Variants in KCNH8 observed in about 807,000 individuals in gnomAD.
The protein encoded by KCNH8 is potassium voltage-gated channel subfamily H member 8, also known as voltage-gated delayed rectifier potassium channel KCNH8.
A neutral mutation model predicts 103.6 loss-of-function variants in KCNH8; 70 were observed. The ratio of observed to expected loss-of-function variants is 0.68; its 90% CI spans 0.56 to 0.82. The LOEUF (loss-of-function observed/expected upper bound fraction) is 0.82. Among genes scored for constraint, KCNH8 ranks in the 40% least tolerant of loss-of-function variants. The probability of loss-of-function intolerance (pLI) is 0.00; values close to 1 mark genes in which losing one functional copy is unlikely to be tolerated. For missense variants in KCNH8, 1,217 were observed against 1,329.9 expected, an observed-to-expected ratio of 0.92 and a Z score of 1.32; for synonymous variants, 498 against 489.4, an observed-to-expected ratio of 1.02 and a Z score of -0.23.
At chr3:19,400,402 T>C (rs548646937) in intron 7 of KCNH8, among the ~76,000 whole-genome samples, 1 of 151,972 alleles carries the variant, frequency 6.6e-6, no homozygotes, top group Non-Finnish European at 1.5e-5. Flanking sequence ...CTATAATAGA[T>C]TGTGTCTTGG....
At chr3:19,172,299 A>G (rs532223392) in intron 1 of KCNH8, among the ~76,000 whole-genome samples, 1 of 152,192 alleles carries the variant, frequency 6.6e-6, no homozygotes, top group Non-Finnish European at 1.5e-5. Flanking sequence ...ATTTTTACTT[A>G]TATACTTCTC....
chr3:19,176,995 A>G (rs1438837763), intron 1 of KCNH8, among the ~76,000 whole-genome samples: 1 of 152,154 alleles, frequency 6.6e-6, no homozygotes, highest in Non-Finnish European at 1.5e-5. Context: ...AACCAATAGC[A>G]CTATAACTCA....
intron 5 of KCNH8, among the ~76,000 whole-genome samples, chr3:19,390,108 C>A (rs1193544641): frequency 6.6e-6 from 1 of 152,036 alleles, no homozygotes; most frequent in Admixed American, 6.6e-5. Flanking sequence ...ATATTGGGTA[C>A]ATAGTGAACA....
chr3:19,373,409 G>T (rs1182528533), intron 5 of KCNH8, among the ~76,000 whole-genome samples: 2 of 152,110 alleles, frequency 1.3e-5, no homozygotes, highest in Non-Finnish European at 2.9e-5. Flanking sequence ...AGAGGTGTTT[G>T]TAGTATTCTC....
intron 5 of KCNH8, among the ~76,000 whole-genome samples, chr3:19,351,394 C>T (rs1432352979): frequency 2.0e-5 from 3 of 151,832 alleles, no homozygotes; most frequent in Non-Finnish European, 4.4e-5. Flanking sequence ...ATGCCACAGA[C>T]GTACACCTCA....
chr3:19,520,587 T>C (rs1254185002), intron 15 of KCNH8, among the ~76,000 whole-genome samples: 2 of 152,018 alleles, frequency 1.3e-5, no homozygotes, highest in African/African-American at 4.8e-5. Context: ...CCAAGCCTAA[T>C]TTTACCATTT....
intron 7 of KCNH8, among the ~76,000 whole-genome samples, chr3:19,399,661 G>A (rs2066580178): frequency 6.6e-6 from 1 of 151,878 alleles, no homozygotes; most frequent in African/African-American, 2.4e-5. Flanking sequence ...TGTGCTTGCA[G>A]TTGGTAACTG....
At chr3:19,353,459 A>G (rs1443460050) in intron 5 of KCNH8, among the ~76,000 whole-genome samples, 2 of 152,198 alleles carry the variant, frequency 1.3e-5, no homozygotes, top group Non-Finnish European at 2.9e-5. Flanking sequence ...AATATCCCTG[A>G]TGCACATCAA....
intron 1 of KCNH8, among the ~76,000 whole-genome samples, chr3:19,153,695 C>T (rs1206870241): frequency 2.1e-5 from 3 of 142,268 alleles, no homozygotes; most frequent in Non-Finnish European, 3.0e-5. Context: ...TGCAGTGGTG[C>T]GATCTTGGCT....
At chr3:19,223,111 A>G (rs1327795563) in intron 1 of KCNH8, among the ~76,000 whole-genome samples, 2 of 152,216 alleles carry the variant, frequency 1.3e-5, no homozygotes, top group African/African-American at 2.4e-5. Flanking sequence ...AATTGAAGAT[A>G]TCACTGAAAC....
At chr3:19,414,233 T>G (rs1404697243) in intron 7 of KCNH8, among the ~76,000 whole-genome samples, 1 of 152,220 alleles carries the variant, frequency 6.6e-6, no homozygotes, top group East Asian at 1.9e-4. Flanking sequence ...ACAAAATTTC[T>G]CAACTAGAGT....
intron 3 of KCNH8, among the ~76,000 whole-genome samples, chr3:19,286,842 C>T (rs940514667): frequency 3.3e-5 from 5 of 152,112 alleles, no homozygotes; most frequent in African/African-American, 7.2e-5. Flanking sequence ...TGGTTGAATC[C>T]GTGGATGTGG....
intron 6 of KCNH8, among the ~76,000 whole-genome samples, chr3:19,393,564 T>C (rs988942497): frequency 1.3e-5 from 2 of 152,046 alleles, no homozygotes; most frequent in Non-Finnish European, 2.9e-5. Context: ...ACTTACAAAA[T>C]TGTCACCTAA....
intron 1 of KCNH8, among the ~76,000 whole-genome samples, chr3:19,218,679 A>G (rs2063840848): frequency 6.6e-6 from 1 of 152,178 alleles, no homozygotes; most frequent in African/African-American, 2.4e-5. Flanking sequence ...TTAAACAACA[A>G]AAAGTTGTCT....
At chr3:19,157,439 T>G (rs1430853539) in intron 1 of KCNH8, among the ~76,000 whole-genome samples, 3 of 152,268 alleles carry the variant, frequency 2.0e-5, no homozygotes, top group African/African-American at 7.2e-5. Context: ...AATGAGCCTG[T>G]CCTTCTCTCT....
At chr3:19,400,064 G>T (rs2066587588) in intron 7 of KCNH8, among the ~76,000 whole-genome samples, 1 of 151,580 alleles carries the variant, frequency 6.6e-6, no homozygotes, top group Admixed American at 6.6e-5. Context: ...CCTGAGGGAA[G>T]AATTCAATTG....
intron 15 of KCNH8, among the ~76,000 whole-genome samples, chr3:19,530,404 T>G (rs983604447): frequency 6.6e-6 from 1 of 152,156 alleles, no homozygotes; most frequent in African/African-American, 2.4e-5. Context: ...AAATATCACA[T>G]GCATCCTATA....
intron 8 of KCNH8, among the ~76,000 whole-genome samples, chr3:19,449,834 G>A (rs1210780115): frequency 4.6e-5 from 7 of 151,938 alleles, no homozygotes; most frequent in Non-Finnish European, 7.4e-5. Context: ...CAGGTTAAAC[G>A]TAAATCAAAG....
At chr3:19,242,102 G>C (rs181870140) in intron 1 of KCNH8, among the ~76,000 whole-genome samples, 1 of 152,310 alleles carries the variant, frequency 6.6e-6, no homozygotes, top group East Asian at 1.9e-4. Context: ...TGAGGAGTGA[G>C]TGAAGTTTTA....
Sources: gnomAD v4.1 joint callset for allele counts (sites outside exome capture counted in the v4.1 genomes callset) on GRCh38, gnomAD v4.1.1 for gene constraint, MANE v1.5 for transcripts, NCBI Gene and HGNC (gene_info 2026-07-23, HGNC 2026-07-21) for gene names.